Variants in RXYLT1 observed in about 807,000 individuals in gnomAD.
RXYLT1 encodes ribitol xylosyltransferase 1, also known as ribitol-5-phosphate xylosyltransferase 1.
A neutral mutation model predicts 43.5 loss-of-function variants in RXYLT1; 41 were observed. The ratio of observed to expected loss-of-function variants is 0.94; its 90% confidence interval spans 0.73 to 1.22. RXYLT1 has a LOEUF of 1.22. Among genes scored for constraint, RXYLT1 ranks in the 50% most tolerant of loss-of-function variants. The probability of loss-of-function intolerance (pLI) is 0.00; values close to 1 mark genes in which losing one functional copy is unlikely to be tolerated. For synonymous variants in RXYLT1, 166 were observed against 194.4 expected, an observed-to-expected ratio of 0.85 and a Z score of 1.21; for missense variants, 514 against 532.0, an observed-to-expected ratio of 0.97 and a Z score of 0.33.
At chr12:63,783,387 G>C (rs1006655930) in intron 2 of RXYLT1, among the ~76,000 whole-genome samples, 10 of 152,040 alleles carry the variant, frequency 6.6e-5, no homozygotes, top group Admixed American at 1.3e-4. Context: ...CTTGAACCCG[G>C]GAGGTGGAGG....
chr12:63,780,993 G>T, intron 1 of RXYLT1, 26 bp from the exon 2 acceptor site: 2 of 1,523,244 alleles, frequency 1.3e-6, no homozygotes, highest in South Asian at 1.4e-5. Context: ...TACCTTACTG[G>T]TAAACACTTA....
At chr12:63,783,294 G>A (rs562201554) in intron 2 of RXYLT1, among the ~76,000 whole-genome samples, 1 of 152,170 alleles carries the variant, frequency 6.6e-6, no homozygotes, top group East Asian at 1.9e-4. Flanking sequence ...AACCCCGTCT[G>A]TACCAAAAAT....
intron 3 of RXYLT1, 86 bp downstream of exon 3, chr12:63,785,158 G>A: frequency 2.5e-6 from 2 of 787,890 alleles, no homozygotes; most frequent in Non-Finnish European, 3.8e-6. Flanking sequence ...AAAATAATAG[G>A]AAAATATATT....
chr12:63,792,809 C>T (rs1897947571), intron 3 of RXYLT1, among the ~76,000 whole-genome samples: 1 of 152,180 alleles, frequency 6.6e-6, no homozygotes, highest in Admixed American at 6.5e-5. Context: ...TGGGATTGAA[C>T]CATGGTCCTC....
intron 3 of RXYLT1, among the ~76,000 whole-genome samples, chr12:63,800,395 G>C (rs1487477927): frequency 2.0e-5 from 3 of 152,160 alleles, no homozygotes; most frequent in Non-Finnish European, 4.4e-5. Flanking sequence ...GGGTATATTT[G>C]TGCTGAAAAT....
intron 3 of RXYLT1, among the ~76,000 whole-genome samples, chr12:63,788,191 T>A (rs1262617680): frequency 6.6e-6 from 1 of 152,198 alleles, no homozygotes; most frequent in Non-Finnish European, 1.5e-5. Context: ...TAGGCTTTTT[T>A]CCATTTATAG....
At chr12:63,783,869 T>A (rs1454988276) in intron 2 of RXYLT1, among the ~76,000 whole-genome samples, 1 of 152,196 alleles carries the variant, frequency 6.6e-6, no homozygotes, top group African/African-American at 2.4e-5. Context: ...TTTTTGAGGC[T>A]CTAGAGGAGA....
intron 3 of RXYLT1, among the ~76,000 whole-genome samples, chr12:63,791,726 G>T (rs1721406777): frequency 6.6e-6 from 1 of 152,128 alleles, no homozygotes; most frequent in South Asian, 2.1e-4. Flanking sequence ...TGATAGTGAT[G>T]GCCCATGCTT....
chr12:63,786,390 C>T (rs1046457626), intron 3 of RXYLT1, among the ~76,000 whole-genome samples: 3 of 151,970 alleles, frequency 2.0e-5, no homozygotes, highest in Non-Finnish European at 4.4e-5. Context: ...AGTTCCACAC[C>T]ACTGCAGTCA....
intron 2 of RXYLT1, among the ~76,000 whole-genome samples, chr12:63,781,404 T>A (rs377678481): frequency 6.6e-6 from 1 of 152,248 alleles, no homozygotes; most frequent in South Asian, 2.1e-4. Context: ...CACAGCTTCA[T>A]TTATTGATAC....
chr12:63,797,483 A>G (rs1415620273), intron 3 of RXYLT1, among the ~76,000 whole-genome samples: 1 of 152,170 alleles, frequency 6.6e-6, no homozygotes, highest in South Asian at 2.1e-4. Flanking sequence ...TTATATTCCC[A>G]GCAGAAGTGA....
In RXYLT1 at chr12:63,809,556, T is replaced by G. The variant is rs150875596; in HGVS notation, c.*464T>G. 56 of 154,342 alleles carry G rather than the reference T, an allele frequency of 3.6e-4. 1 individual carries two copies. The East Asian group carries it at 0.01, about 28-fold the overall frequency. 9.6% of individuals were successfully genotyped at this position (154,342 alleles called of 1,614,324 possible). A position where few individuals can be genotyped will look rare whatever the true frequency, so the allele number is the denominator to read the frequency against. The stretch of plus-strand genomic sequence containing the variant: ...GAATAAATGCCTGAGATTGAGTAAT[T>G]TATAAAGAAGAGAGGTTTAATTGGC... On this transcript the variant is annotated 3_prime_UTR_variant, in exon 6 of 6. Transcript: ENST00000261234.
At chr12:63,780,987 T>C in intron 1 of RXYLT1, 32 bp from the exon 2 acceptor site, 2 of 1,492,650 alleles carry the variant, frequency 1.3e-6, no homozygotes, top group South Asian at 2.9e-5. Context: ...CAATAATACC[T>C]TACTGGTAAA....
At position 63,780,111 on chromosome 12, in the gene RXYLT1, C is replaced by T. The variant is rs1278305032; in HGVS notation, c.151C>T (p.Arg51Trp). The T allele has an allele frequency of 6.5e-7, 1 of 1,531,202 alleles. No homozygotes were observed. The highest frequency in any genetic ancestry group is 2.5e-5 in the East Asian group (1 of 40,772). The allele number at this position is 1,531,202 out of a possible 1,614,324, so 94.9% of individuals were successfully genotyped here. A position where few individuals can be genotyped will look rare whatever the true frequency, so the allele number is the denominator to read the frequency against. Residue 51 changes from arginine (R) to tryptophan (W), a missense_variant, in exon 1 of 6, where the codon CGG (arginine) becomes TGG (tryptophan). By Grantham distance (101) the Arg-to-Trp change is moderately radical. Coordinates refer to ENST00000261234, the MANE Select transcript of RXYLT1 (RefSeq NM_014254.3). Reference protein sequence around the residue: ...RGLRKGAAPARERRGREQSTL... With the variant: ...RGLRKGAAPAWERRGREQSTL... ...CCTCAGGAAGGGGGCGGCCCCCGCGCGGGAGAGACGCGGCCGAGGTAGGAC... is the reference window on the plus strand; with the variant it reads ...CCTCAGGAAGGGGGCGGCCCCCGCGTGGGAGAGACGCGGCCGAGGTAGGAC...
In RXYLT1 at chr12:63,802,381, T is replaced by C. The variant is rs1898182590; in HGVS notation, c.719T>C (p.Phe240Ser). Residue 240 changes from phenylalanine to serine, a missense_variant, in exon 4 of 6, where the codon TTT (phenylalanine) becomes TCT (serine). Coordinates refer to ENST00000261234, the MANE Select transcript of RXYLT1 (RefSeq NM_014254.3). ...CCCTGGATTAATGACGTGGATGTTT[T>C]TCAGTGGCCTTTAGGAGTAGCAACG... is the stretch of plus-strand genomic sequence containing the variant. The part of the protein sequence containing the change: ...DSPWINDVDV[F>S]QWPLGVATYR... 1.3e-6 allele frequency: 2 copies of C among 1,589,842 alleles called. No individual in the cohort carries two copies. Among genetic ancestry groups the C allele is most frequent in the African/African-American group, 1.4e-5 (1 of 74,054 alleles).
At chr12:63,803,740 C>T (rs1357951471) in intron 4 of RXYLT1, 4 of 151,136 alleles carry the variant, frequency 2.6e-5, no homozygotes, top group Non-Finnish European at 5.9e-5. Flanking sequence ...GATGGAACCT[C>T]TTGGTAATCA....
chr12:63,799,652 A>C (rs1898115008), intron 3 of RXYLT1, among the ~76,000 whole-genome samples: 1 of 151,974 alleles, frequency 6.6e-6, no homozygotes, highest in East Asian at 1.9e-4. Flanking sequence ...AAATAACCAA[A>C]TTTGAGTCTG....
chr12:63,805,086 A>G (rs975999831), intron 4 of RXYLT1, 148 bp from the exon 5 acceptor site: 4 of 539,476 alleles, frequency 7.4e-6, no homozygotes, highest in African/African-American at 3.9e-5. Context: ...GGAGTTTTCC[A>G]AAGTATTCAT....
intron 2 of RXYLT1, among the ~76,000 whole-genome samples, chr12:63,784,341 A>G (rs994222535): frequency 6.6e-6 from 1 of 152,208 alleles, no homozygotes; most frequent in Non-Finnish European, 1.5e-5. Flanking sequence ...TATGGTCTCC[A>G]TAGTGCCTCA....
Sources: gnomAD v4.1 joint callset for allele counts (sites outside exome capture counted in the v4.1 genomes callset) on GRCh38, gnomAD v4.1.1 for gene constraint, MANE v1.5 for transcripts, NCBI Gene and HGNC (gene_info 2026-07-23, HGNC 2026-07-21) for gene names.